PRRC2B: variants seen among roughly 807,000 people sequenced by gnomAD.
The protein encoded by PRRC2B is proline rich coiled-coil 2B, also known as protein PRRC2B.
In PRRC2B, 68 loss-of-function variants were observed where a neutral mutation model predicts 242.3. The observed-to-expected ratio is 0.28, with a 90% confidence interval of 0.23 to 0.34. The LOEUF is 0.34. PRRC2B is among the 10% of genes least tolerant of loss of function. The pLI, the probability that PRRC2B is intolerant of heterozygous loss-of-function variation, is 1.00. For missense variants in PRRC2B, 2,835 were observed against 2,954.8 expected (o/e 0.96, Z 0.94); for synonymous variants, 1,228 against 1,173.6 (o/e 1.05, Z -0.95).
intron 5 of PRRC2B, among the ~76,000 whole-genome samples, chr9:131,441,678 G>A (rs1363544657): frequency 6.6e-6 from 1 of 152,236 alleles, no homozygotes; most frequent in Admixed American, 6.5e-5. Context: ...ACTGTCAGGA[G>A]TGTGGGGATT....
Position 131,496,230 on chromosome 9 carries a change from C to T in PRRC2B, c.*356C>T. The T allele has an allele frequency of 4.7e-6, 1 of 213,248 alleles. No homozygotes were observed. 13.2% of individuals were successfully genotyped at this position (213,248 alleles called of 1,614,324 possible). The stretch of plus-strand genomic sequence containing the variant: ...CGCCTTCTCAGCAGTGCTTCCGGCC[C>T]AGCCGCCCATCCCTAGGCACAGTGA... On this transcript the variant is annotated 3_prime_UTR_variant, in exon 32 of 32. Transcript: ENST00000683519.
intron 1 of PRRC2B, among the ~76,000 whole-genome samples, chr9:131,377,573 C>A (rs2131261626): frequency 6.6e-6 from 1 of 152,096 alleles, no homozygotes; most frequent in South Asian, 2.1e-4. Flanking sequence ...GAATTGTAAG[C>A]CCCTCTTTGA....
At chr9:131,457,804 G>T (rs2994068) in intron 10 of PRRC2B, among the ~76,000 whole-genome samples, 3 of 152,132 alleles carry the variant, frequency 2.0e-5, no homozygotes, top group Non-Finnish European at 2.9e-5. Context: ...CTCCATTTCT[G>T]ACAAAGTCAG....
intron 10 of PRRC2B, among the ~76,000 whole-genome samples, chr9:131,458,289 TTC>T (rs1377016333): frequency 1.3e-5 from 2 of 152,056 alleles, no homozygotes; most frequent in Non-Finnish European, 2.9e-5. Flanking sequence ...GGAGTCCTGG[TTC>T]AAATCTGTGA....
At chr9:131,419,885 G>A (rs1372230426) in intron 1 of PRRC2B, among the ~76,000 whole-genome samples, 1 of 151,904 alleles carries the variant, frequency 6.6e-6, no homozygotes, top group Non-Finnish European at 1.5e-5. Flanking sequence ...CGCGGTGGGG[G>A]GTGATGTGGA....
At position 131,474,918 on chromosome 9, in the gene PRRC2B, C is replaced by A. The variant is rs180814066; in HGVS notation, c.2789C>A (p.Pro930Gln). 1.9e-6 allele frequency: 3 copies of A among 1,594,204 alleles called. No homozygotes were observed. The highest frequency in any genetic ancestry group is 1.3e-5 in the African/African-American group (1 of 74,558). Residue 930 changes from proline (P) to glutamine (Q), a missense_variant, in exon 16 of 32, where the codon CCG becomes CAG. Transcript: ENST00000683519. ...PEPRSSSSQH[P>Q]EQTGRTRRSG... ...CCCCGGAGCTCCAGCAGCCAGCACC[C>A]GGAGCAGACGGGCAGGACCCGGAGG...
At chr9:131,431,227 T>C (rs1838158536) in intron 2 of PRRC2B, among the ~76,000 whole-genome samples, 1 of 151,890 alleles carries the variant, frequency 6.6e-6, no homozygotes, top group Non-Finnish European at 1.5e-5. Flanking sequence ...GCCTCCCGGG[T>C]TCACGCCATT....
In PRRC2B at chr9:131,475,558, A is replaced by T. The variant is rs551738798; in HGVS notation, c.3429A>T (p.Glu1143Asp). ...ATAGCGAGGGCTCAGAGTATGAAGAACTTCCCAAGCGCCGCCGGCAGAGGG... is the reference window on the plus strand; with the variant it reads ...ATAGCGAGGGCTCAGAGTATGAAGATCTTCCCAAGCGCCGCCGGCAGAGGG... ...ETHSEGSEYE[E>D]LPKRRRQRGS... Residue 1143 changes from glutamate to aspartate, a missense_variant, in exon 16 of 32, where the codon GAA becomes GAT. Glu to Asp is a conservative substitution (Grantham distance 45). Around this residue, in one of 7 missense-constraint regions of PRRC2B, gnomAD observed 1,536 missense variants for 1,483.1 expected, o/e 1.04. Coordinates refer to ENST00000683519, the MANE Select transcript of PRRC2B (RefSeq NM_013318.4). 5.6e-6 allele frequency: 9 copies of T among 1,612,824 alleles called. No homozygotes were observed. The highest frequency in any genetic ancestry group is 5.3e-5 in the African/African-American group (4 of 75,062).
chr9:131,433,492 C>T (rs996667828), intron 3 of PRRC2B, among the ~76,000 whole-genome samples: 2 of 152,236 alleles, frequency 1.3e-5, no homozygotes, highest in Non-Finnish European at 2.9e-5. Context: ...ACTTGGATGG[C>T]TGCACCTTTG....
At chr9:131,473,394 G>A in intron 14 of PRRC2B, 114 bp from the exon 15 acceptor site, 2 of 734,824 alleles carry the variant, frequency 2.7e-6, no homozygotes, top group South Asian at 1.8e-5. Flanking sequence ...GTGGGGTGCT[G>A]TATCCACATG....
At chr9:131,406,912 C>G (rs1447597669) in intron 1 of PRRC2B, among the ~76,000 whole-genome samples, 2 of 152,222 alleles carry the variant, frequency 1.3e-5, no homozygotes, top group Non-Finnish European at 2.9e-5. Context: ...GAGAGGACTG[C>G]TGTCTTAACC....
chr9:131,492,186 G>A lies in PRRC2B; in HGVS notation c.6399G>A (p.Met2133Ile). Residue 2133 changes from methionine (M) to isoleucine (I), a missense_variant, in exon 30 of 32, where the codon ATG becomes ATA. Met to Ile is a conservative substitution (Grantham distance 10, BLOSUM62 1). Transcript: ENST00000683519. ...NTSREPSQMEMKGFHFADSKQ... is the reference protein window; with the variant it reads ...NTSREPSQMEIKGFHFADSKQ... ...CTCTCTAGCCCTCTCAGATGGAGATGAAAGGCTTCCACTTTGCCGACAGTA... is the reference window on the plus strand; with the variant it reads ...CTCTCTAGCCCTCTCAGATGGAGATAAAAGGCTTCCACTTTGCCGACAGTA... 3 of 1,613,840 alleles carry A rather than the reference G, an allele frequency of 1.9e-6. No individual in the cohort carries two copies. The highest frequency in any genetic ancestry group is 1.3e-5 in the African/African-American group (1 of 75,052).
intron 1 of PRRC2B, among the ~76,000 whole-genome samples, chr9:131,422,027 ACTTTT>A (rs987292483): frequency 1.3e-5 from 2 of 151,816 alleles, no homozygotes; most frequent in Non-Finnish European, 2.9e-5. Flanking sequence ...TGGGTGCGTT[ACTTTT>A]CTTTTCTTTC....
Position 131,383,600 on chromosome 9 carries a change from C to CTTT in PRRC2B, c.-56+9886_-56+9888dup, listed in dbSNP as rs561717754. 4.2e-4 allele frequency among the ~76,000 whole-genome samples: 51 copies of CTTT among 120,566 alleles called. 1 individual carries two copies. Among genetic ancestry groups the CTTT allele is most frequent in the Non-Finnish European group, 5.8e-4 (35 of 60,686 alleles). The allele number at this position is 120,566 out of a possible 152,430, so 79.1% of individuals were successfully genotyped here. On this transcript the variant is annotated intron_variant, in intron 1 of 1. Coordinates refer to the PRRC2B transcript ENST00000682525. ...TTTGTTTGTTTTGGTTTTGGTTTCT[C>CTTT]TTTTTTTTTTTTTTTTTTTGAGACA...
intron 1 of PRRC2B, among the ~76,000 whole-genome samples, chr9:131,380,955 A>C (rs916615186): frequency 2.0e-5 from 3 of 150,488 alleles, no homozygotes; most frequent in Non-Finnish European, 3.0e-5. Flanking sequence ...GTGTACACAT[A>C]TTTTCTCCCA....
intron 19 of PRRC2B, among the ~76,000 whole-genome samples, 163 bp downstream of exon 19, chr9:131,479,556 CTGAG>C (rs778371276): frequency 2.0e-5 from 3 of 152,162 alleles, no homozygotes; most frequent in Non-Finnish European, 4.4e-5. Context: ...TGAATGCCGT[CTGAG>C]TGATTTGCTG....
intron 1 of PRRC2B, among the ~76,000 whole-genome samples, chr9:131,418,781 A>G (rs1274770375): frequency 2.0e-5 from 3 of 152,244 alleles, no homozygotes. Flanking sequence ...TCATAGTTTT[A>G]AAAAACAAAT....
chr9:131,421,572 G>A (rs1440383293), intron 1 of PRRC2B, among the ~76,000 whole-genome samples: 1 of 152,204 alleles, frequency 6.6e-6, no homozygotes, highest in Non-Finnish European at 1.5e-5. Context: ...TCTATAAAGA[G>A]ACATTCCACC....
At chr9:131,428,171 C>T (rs529778982) in intron 1 of PRRC2B, among the ~76,000 whole-genome samples, 15 of 152,196 alleles carry the variant, frequency 9.9e-5, no homozygotes, top group African/African-American at 2.6e-4. Context: ...CCACCCACCT[C>T]GGCCTCCCAA....
Sources: allele counts gnomAD v4.1 joint callset (sites outside exome capture counted in the v4.1 genomes callset), GRCh38; gene constraint gnomAD v4.1.1; regional missense constraint gnomAD v4.1.1; transcripts MANE v1.5; gene names NCBI Gene and HGNC (gene_info 2026-07-23, HGNC 2026-07-21).